TMEM131: variants seen among roughly 807,000 people sequenced by gnomAD.
TMEM131 encodes the protein transmembrane protein 131, also known as 2610524E03Rik.
TMEM131 carries 66 observed loss-of-function variants against 211.6 expected under a neutral mutation model. The observed-to-expected ratio is 0.31, with a 90% CI of 0.26 to 0.38. The LOEUF (loss-of-function observed/expected upper bound fraction) is 0.38. Among genes scored for constraint, TMEM131 ranks in the 10% least tolerant of loss-of-function variants. The pLI is 1.00. For synonymous variants in TMEM131, 844 were observed against 841.3 expected, an observed-to-expected ratio of 1.00 and a Z score of -0.06; for missense variants, 2,036 against 2,299.3, an observed-to-expected ratio of 0.89 and a Z score of 2.34.
intron 1 of TMEM131, among the ~76,000 whole-genome samples, chr2:97,957,975 T>G (rs1342927010): frequency 6.6e-6 from 1 of 152,190 alleles, no homozygotes; most frequent in African/African-American, 2.4e-5. Flanking sequence ...CCAGGTGCAC[T>G]GAAACCACCA....
intron 1 of TMEM131, among the ~76,000 whole-genome samples, chr2:97,983,472 C>T (rs770342090): frequency 1.3e-5 from 2 of 152,278 alleles, no homozygotes; most frequent in Non-Finnish European, 2.9e-5. Flanking sequence ...CCACTAAGGG[C>T]TGCATAATCT....
intron 4 of TMEM131, among the ~76,000 whole-genome samples, chr2:97,867,067 A>C (rs943940663): frequency 4.6e-4 from 70 of 152,238 alleles, no homozygotes; most frequent in Non-Finnish European, 1.0e-4. Flanking sequence ...GTATTGTTTA[A>C]ATCCATTTAA....
chr2:97,964,693 C>A (rs941996975), intron 1 of TMEM131, among the ~76,000 whole-genome samples: 2 of 152,212 alleles, frequency 1.3e-5, no homozygotes, highest in African/African-American at 4.8e-5. Context: ...CTAACCATAT[C>A]TCCTAAATGC....
rs753576363 is a variant in TMEM131 at position 97,834,730 on chromosome 2, T to C, written c.955+45A>G. On this transcript the variant is annotated intron_variant, in intron 9 of 40. Coordinates refer to ENST00000186436, the MANE Select transcript of TMEM131 (RefSeq NM_015348.2). Reference sequence around the variant, plus strand: ...TTTTTCACTTTGCCAGAGTAAGCTATACTGAAAACAAAACAACTTTCGATT... The same window carrying C: ...TTTTTCACTTTGCCAGAGTAAGCTACACTGAAAACAAAACAACTTTCGATT... The C allele has an allele frequency of 1.3e-5, 21 of 1,608,168 alleles. No homozygotes were observed. In the African/African-American group the frequency reaches 2.3e-4, roughly 17 times the overall value.
chr2:97,967,174 CATA>C (rs1257189679), intron 1 of TMEM131, among the ~76,000 whole-genome samples: 9 of 152,192 alleles, frequency 5.9e-5, no homozygotes, highest in Admixed American at 5.9e-4. Context: ...TCTCTAATTT[CATA>C]AGCTGACTGA....
At chr2:97,923,619 C>CT (rs1272162549) in intron 2 of TMEM131, among the ~76,000 whole-genome samples, 1,343 of 110,950 alleles carry the variant, frequency 0.012, 51 homozygotes, top group African/African-American at 0.049. Flanking sequence ...AAGACACTGT[C>CT]TTTTTTTTTA....
intron 1 of TMEM131, among the ~76,000 whole-genome samples, chr2:97,938,117 C>G (rs563769101): frequency 2.6e-4 from 40 of 152,294 alleles, no homozygotes; most frequent in Admixed American, 5.9e-4. Context: ...GAAACTGTAT[C>G]AACTAACGAG....
At chr2:97,859,672 A>G (rs1255619525) in intron 4 of TMEM131, among the ~76,000 whole-genome samples, 1 of 152,212 alleles carries the variant, frequency 6.6e-6, no homozygotes, top group Admixed American at 6.5e-5. Context: ...TTCATCCCTG[A>G]GGCTCAGAAC....
intron 31 of TMEM131, among the ~76,000 whole-genome samples, chr2:97,778,576 G>T (rs1439898267): frequency 6.6e-6 from 1 of 152,044 alleles, no homozygotes; most frequent in East Asian, 1.9e-4. Flanking sequence ...TTATTGCATG[G>T]AAGAGTAATT....
At chr2:97,809,902 A>G in intron 18 of TMEM131, 128 bp from the exon 19 acceptor site, 1 of 651,872 alleles carries the variant, frequency 1.5e-6, no homozygotes, top group Non-Finnish European at 2.8e-6. Flanking sequence ...CTCCATACCA[A>G]TATTAAAATC....
chr2:97,831,164 C>G (rs72942824), intron 11 of TMEM131, among the ~76,000 whole-genome samples: 3,755 of 152,282 alleles, frequency 0.025, 165 homozygotes, highest in African/African-American at 0.087. Flanking sequence ...TGCTTTCTGC[C>G]CTTCCATGTC....
At chr2:97,954,543 G>A (rs946972755) in intron 1 of TMEM131, among the ~76,000 whole-genome samples, 4 of 152,162 alleles carry the variant, frequency 2.6e-5, no homozygotes, top group Admixed American at 2.6e-4. Flanking sequence ...AGTGGCTCAC[G>A]CCTGTAATCC....
At chr2:97,892,391 C>G (rs1463903905) in intron 3 of TMEM131, among the ~76,000 whole-genome samples, 1 of 152,146 alleles carries the variant, frequency 6.6e-6, no homozygotes, top group Non-Finnish European at 1.5e-5. Context: ...GGGTCTCACT[C>G]TGTCGCCCAT....
chr2:97,934,561 T>C (rs1284355844), intron 1 of TMEM131, among the ~76,000 whole-genome samples: 1 of 152,084 alleles, frequency 6.6e-6, no homozygotes, highest in African/African-American at 2.4e-5. Context: ...CTAAAAACAA[T>C]CTTCAAAAAC....
intron 11 of TMEM131, among the ~76,000 whole-genome samples, chr2:97,831,562 T>C (rs1682689881): frequency 6.6e-6 from 1 of 151,992 alleles, no homozygotes; most frequent in South Asian, 2.1e-4. Flanking sequence ...AACAGATATA[T>C]AGGTTTTTAA....
intron 1 of TMEM131, among the ~76,000 whole-genome samples, chr2:97,937,995 C>T (rs1036403235): frequency 2.6e-5 from 4 of 152,110 alleles, no homozygotes; most frequent in Admixed American, 6.5e-5. Flanking sequence ...TCTGTCACCA[C>T]CAGGCCTGCC....
intron 33 of TMEM131, among the ~76,000 whole-genome samples, chr2:97,772,001 G>C (rs989665265): frequency 2.0e-5 from 3 of 152,236 alleles, no homozygotes; most frequent in African/African-American, 7.2e-5. Context: ...AAGTAAAATG[G>C]ATCTCAGCCT....
At chr2:97,827,484 G>T (rs1682457945) in intron 11 of TMEM131, 1 of 1,037,954 alleles carries the variant, frequency 9.6e-7, no homozygotes, top group South Asian at 1.3e-5. Flanking sequence ...CAGAAAATGG[G>T]GAAACGAAAA....
At chr2:97,952,989 C>A (rs901890768) in intron 1 of TMEM131, among the ~76,000 whole-genome samples, 1 of 152,104 alleles carries the variant, frequency 6.6e-6, no homozygotes, top group African/African-American at 2.4e-5. Flanking sequence ...AAGGTATTAG[C>A]AAATTAAAAA....
Sources: allele counts gnomAD v4.1 joint callset (sites outside exome capture counted in the v4.1 genomes callset), GRCh38; gene constraint gnomAD v4.1.1; transcripts MANE v1.5; gene names NCBI Gene and HGNC (gene_info 2026-07-23, HGNC 2026-07-21).